MAML3: variants seen among roughly 807,000 people sequenced by gnomAD.
MAML3 encodes the protein mastermind-like protein 3.
MAML3 carries 27 observed loss-of-function variants against 101.9 expected under a neutral mutation model. That is an observed-to-expected ratio of 0.27 (90% CI 0.20 to 0.37). MAML3 has a LOEUF of 0.37. Ranked by LOEUF, MAML3 falls within the 10% of genes least tolerant of loss-of-function variation. The pLI, the probability that MAML3 is intolerant of heterozygous loss-of-function variation, is 1.00. For synonymous variants in MAML3, 501 were observed against 555.9 expected (o/e 0.90, Z 1.39); for missense variants, 1,316 against 1,444.9 (o/e 0.91, Z 1.45).
At chr4:140,047,843 T>A in intron 1 of MAML3, among the ~76,000 whole-genome samples, 1 of 151,896 alleles carries the variant, frequency 6.6e-6, no homozygotes, top group Non-Finnish European at 1.5e-5. Flanking sequence ...GTTTGAAGAC[T>A]GTCTGTGAAT....
chr4:139,845,918 G>A (rs1731437694), intron 2 of MAML3, among the ~76,000 whole-genome samples: 1 of 152,172 alleles, frequency 6.6e-6, no homozygotes, highest in Non-Finnish European at 1.5e-5. Flanking sequence ...GTAAGGTTTA[G>A]CAGGGTAATG....
chr4:139,827,759 T>C (rs893447699), intron 2 of MAML3, among the ~76,000 whole-genome samples: 3 of 152,222 alleles, frequency 2.0e-5, no homozygotes, highest in African/African-American at 7.2e-5. Context: ...TAAGCCACGA[T>C]TTAAAATGGT....
chr4:139,723,671 C>G (rs1728350997), intron 4 of MAML3, among the ~76,000 whole-genome samples: 1 of 152,148 alleles, frequency 6.6e-6, no homozygotes. Context: ...TGTCTATGTT[C>G]TGTAACACAG....
intron 1 of MAML3, among the ~76,000 whole-genome samples, chr4:139,895,412 A>T (rs1732588777): frequency 6.6e-6 from 1 of 152,236 alleles, no homozygotes; most frequent in African/African-American, 2.4e-5. Flanking sequence ...TGGAAAACTT[A>T]TTTAACCTCT....
intron 1 of MAML3, among the ~76,000 whole-genome samples, chr4:139,987,642 G>A (rs977430169): frequency 2.0e-5 from 3 of 152,032 alleles, no homozygotes; most frequent in Non-Finnish European, 2.9e-5. Context: ...GGGAGTTCTC[G>A]GCATGAATCA....
intron 4 of MAML3, among the ~76,000 whole-genome samples, chr4:139,723,492 A>G (rs1306787911): frequency 1.3e-5 from 2 of 152,096 alleles, no homozygotes; most frequent in Non-Finnish European, 2.9e-5. Flanking sequence ...TTGTATTTTT[A>G]GTAGAGACGG....
rs535543823 is a variant in MAML3 at position 139,954,212 on chromosome 4, A to T, written c.469-63245T>A. Among the ~76,000 whole-genome samples the T allele has an allele frequency of 2.0e-4, 30 of 152,358 alleles. 1 individual carries two copies. The South Asian group carries it at 5.8e-3, about 29-fold the overall frequency. ...GAGATTTACGACCTAGGAAACTCAAACGTGTCTGCTGAGACTAGGTGATGC... is the reference window on the plus strand; with the variant it reads ...GAGATTTACGACCTAGGAAACTCAATCGTGTCTGCTGAGACTAGGTGATGC... On this transcript the variant is annotated intron_variant, in intron 1 of 4. Transcript: ENST00000509479.
chr4:139,812,337 T>G (rs539675240), intron 2 of MAML3, among the ~76,000 whole-genome samples: 25 of 152,302 alleles, frequency 1.6e-4, no homozygotes, highest in Non-Finnish European at 3.2e-4. Flanking sequence ...CACAGTACGA[T>G]TAGCTGAAAT....
At chr4:139,744,474 A>G (rs1289297192) in intron 2 of MAML3, among the ~76,000 whole-genome samples, 3 of 152,250 alleles carry the variant, frequency 2.0e-5, no homozygotes, top group Admixed American at 6.5e-5. Flanking sequence ...AAGTCACTGC[A>G]TGGCTAACAT....
At chr4:139,770,608 G>T (rs1342600676) in intron 2 of MAML3, among the ~76,000 whole-genome samples, 1 of 152,154 alleles carries the variant, frequency 6.6e-6, no homozygotes, top group Non-Finnish European at 1.5e-5. Flanking sequence ...CAGTTGGAAA[G>T]TTGCTCTTTG....
chr4:140,129,084 C>G (rs564894810), intron 1 of MAML3, among the ~76,000 whole-genome samples: 1 of 152,068 alleles, frequency 6.6e-6, no homozygotes, highest in Non-Finnish European at 1.5e-5. Context: ...ACAAAACTCT[C>G]GGGGGACTCA....
chr4:139,797,683 T>C (rs1247562386), intron 2 of MAML3, among the ~76,000 whole-genome samples: 1 of 152,116 alleles, frequency 6.6e-6, no homozygotes, highest in Non-Finnish European at 1.5e-5. Context: ...GATGTTTGGT[T>C]GGAACTTGCT....
chr4:140,091,930 A>G lies in MAML3; in HGVS notation c.468+60930T>C, dbSNP rs551745968. Among the ~76,000 whole-genome samples the G allele has an allele frequency of 2.0e-5, 3 of 152,132 alleles. No individual in the cohort carries two copies. The East Asian group carries it at 5.8e-4, about 29-fold the overall frequency. ...CTCTGAGCAGGTAAAACAGCAGGCC[A>G]TAGTTTTATTTATTTCCTATCTATT... On this transcript the variant is annotated intron_variant, in intron 1 of 4. Coordinates refer to ENST00000509479, the MANE Select transcript of MAML3 (RefSeq NM_018717.5).
At chr4:140,114,143 C>T (rs759220041) in intron 1 of MAML3, among the ~76,000 whole-genome samples, 38 of 152,158 alleles carry the variant, frequency 2.5e-4, no homozygotes, top group African/African-American at 8.0e-4. Flanking sequence ...CTCTGCCCTG[C>T]GAAATATGCC....
chr4:139,789,553 A>G lies in MAML3; in HGVS notation c.2080-58886T>C, dbSNP rs539332204. Among the ~76,000 whole-genome samples the G allele has an allele frequency of 1.0e-3, 159 of 152,162 alleles. 1 individual carries two copies. The highest frequency in any genetic ancestry group is 2.0e-3 in the Non-Finnish European group (135 of 68,024). On this transcript the variant is annotated intron_variant, in intron 2 of 4. Transcript: ENST00000509479. ...TGTGACTAGGCACGGGTGGATGTGA[A>G]GGCATGGCAGGGGGAAGGCCTGGGT...
At chr4:139,934,392 G>GGTGTGTGAAAAT in intron 1 of MAML3, among the ~76,000 whole-genome samples, 1 of 151,974 alleles carries the variant, frequency 6.6e-6, no homozygotes, top group African/African-American at 2.4e-5. Flanking sequence ...GAAATAAGAG[G>GGTGTGTGAAAAT]GTGTGTGAAA....
At chr4:139,736,788 G>C (rs898629969) in intron 2 of MAML3, among the ~76,000 whole-genome samples, 1 of 152,166 alleles carries the variant, frequency 6.6e-6, no homozygotes, top group Non-Finnish European at 1.5e-5. Context: ...AAGCTCTCCA[G>C]GTGGTTACGA....
intron 1 of MAML3, among the ~76,000 whole-genome samples, chr4:139,906,409 G>A (rs183551162): frequency 2.6e-5 from 4 of 151,634 alleles, no homozygotes; most frequent in African/African-American, 9.6e-5. Flanking sequence ...AGGAGGCTCT[G>A]AATAGTAAGT....
At chr4:140,074,193 A>G (rs78449016) in intron 1 of MAML3, among the ~76,000 whole-genome samples, 2 of 91,944 alleles carry the variant, frequency 2.2e-5, no homozygotes, top group East Asian at 7.0e-4. Flanking sequence ...GAGAGAGAGA[A>G]AGAAAGAGAA....
Sources: gnomAD v4.1 joint callset for allele counts (sites outside exome capture counted in the v4.1 genomes callset) on GRCh38, gnomAD v4.1.1 for gene constraint, MANE v1.5 for transcripts, NCBI Gene and HGNC (gene_info 2026-07-23, HGNC 2026-07-21) for gene names.